CUX1: variants seen among roughly 807,000 people sequenced by gnomAD.
CUX1 encodes cut like homeobox 1.
CUX1 carries 31 observed loss-of-function variants against 158.8 expected under a neutral mutation model. The observed-to-expected ratio is 0.20, with a 90% CI of 0.15 to 0.26. The LOEUF is 0.26. Ranked by LOEUF, CUX1 falls within the 10% of genes least tolerant of loss-of-function variation. The pLI is 1.00. For synonymous variants in CUX1, 879 were observed against 862.1 expected (o/e 1.02, Z -0.34); for missense variants, 1,589 against 2,014.6 (o/e 0.79, Z 4.04).
In CUX1 at chr7:102,239,640, G is replaced by C. The variant is rs1009865787; in HGVS notation, c.3887+56G>C. 33 of 1,556,238 alleles carry C rather than the reference G, an allele frequency of 2.1e-5. No individual in the cohort carries two copies. In the African/African-American group the frequency reaches 4.4e-4, roughly 21 times the overall value. On this transcript the variant is annotated intron_variant, in intron 23 of 23. Transcript: ENST00000292535. ...TCGGCCCAGGGGAAGGGGCTGATCTGTCCGGAGGCCGCCATGGCGCACAGG... is the reference window on the plus strand; with the variant it reads ...TCGGCCCAGGGGAAGGGGCTGATCTCTCCGGAGGCCGCCATGGCGCACAGG...
chr7:101,995,926 A>T (rs1457645345), intron 2 of CUX1, among the ~76,000 whole-genome samples: 1 of 152,172 alleles, frequency 6.6e-6, no homozygotes, highest in Non-Finnish European at 1.5e-5. Context: ...CAGCCTGGGT[A>T]AAATGTAGAA....
At chr7:101,969,133 G>C (rs184657109) in intron 2 of CUX1, among the ~76,000 whole-genome samples, 5 of 151,468 alleles carry the variant, frequency 3.3e-5, no homozygotes, top group Admixed American at 3.3e-4. Flanking sequence ...TTTGAGACCA[G>C]CCTGGGCAAC....
chr7:101,872,030 A>AAG, intron 1 of CUX1, among the ~76,000 whole-genome samples: 1 of 152,032 alleles, frequency 6.6e-6, no homozygotes, highest in South Asian at 2.1e-4. Context: ...CAAAAAAAAA[A>AAG]AAAGAAAAGA....
intron 2 of CUX1, among the ~76,000 whole-genome samples, chr7:101,952,157 G>A (rs951747968): frequency 6.6e-6 from 1 of 152,120 alleles, no homozygotes; most frequent in South Asian, 2.1e-4. Flanking sequence ...AGAGGCCAAG[G>A]TGGAAGGATT....
At chr7:102,014,439 G>A (rs1193656593) in intron 2 of CUX1, among the ~76,000 whole-genome samples, 1 of 152,192 alleles carries the variant, frequency 6.6e-6, no homozygotes, top group Non-Finnish European at 1.5e-5. Flanking sequence ...GCTCTGCAGA[G>A]CCCTCTGGGG....
At chr7:101,988,680 C>T (rs1021284758) in intron 2 of CUX1, among the ~76,000 whole-genome samples, 9 of 152,128 alleles carry the variant, frequency 5.9e-5, no homozygotes, top group Non-Finnish European at 1.0e-4. Context: ...TGTGGCCTCC[C>T]AGGTTCCTTG....
Position 101,860,305 on chromosome 7 carries a change from A to G in CUX1, c.30+42636A>G, listed in dbSNP as rs368452002. 3.0e-4 allele frequency among the ~76,000 whole-genome samples: 45 copies of G among 152,290 alleles called. No individual in the cohort carries two copies. In the East Asian group the frequency reaches 7.7e-3, roughly 26 times the overall value. On this transcript the variant is annotated intron_variant, in intron 1 of 23. Transcript: ENST00000292535. ...TCAGTTCCAAACTATTGGCCTGTCT[A>G]GTTTCATCTCCGCCCCTGCCTACTC...
downstream of CUX1, among the ~76,000 whole-genome samples, chr7:102,261,050 G>A (rs1323846025): frequency 1.3e-5 from 2 of 152,240 alleles, no homozygotes; most frequent in South Asian, 2.1e-4. Flanking sequence ...CCAGGCTCCC[G>A]GCCAGTGGGC....
chr7:101,944,838 G>A (rs111226392), intron 2 of CUX1, among the ~76,000 whole-genome samples: 2 of 152,286 alleles, frequency 1.3e-5, no homozygotes, highest in Non-Finnish European at 2.9e-5. Context: ...TGCATCTGTC[G>A]CCACACTGGT....
chr7:102,222,318 G>A (rs782820143), intron 20 of CUX1, among the ~76,000 whole-genome samples: 19 of 152,090 alleles, frequency 1.2e-4, no homozygotes, highest in Non-Finnish European at 2.1e-4. Context: ...CAGGAATGAC[G>A]GTAGGCTGCA....
chr7:101,930,045 T>C (rs1806113735), intron 2 of CUX1, among the ~76,000 whole-genome samples: 1 of 152,200 alleles, frequency 6.6e-6, no homozygotes, highest in South Asian at 2.1e-4. Context: ...TTTCACCATG[T>C]TGGCTAGGCT....
rs1584928057 is a variant in CUX1 at position 101,901,514 on chromosome 7, C to T, written c.31-14601C>T. Among the ~76,000 whole-genome samples the T allele has an allele frequency of 2.6e-5, 4 of 152,156 alleles. 1 individual carries two copies. The highest frequency in any genetic ancestry group is 9.6e-5 in the African/African-American group (4 of 41,498). On this transcript the variant is annotated intron_variant, in intron 1 of 23. Transcript: ENST00000292535. ...TTTGCCATGTTGGCCAGGCTGGTCT[C>T]GAACTCCTGACCTCAGGTGATCCAC... is the stretch of plus-strand genomic sequence containing the variant.
intron 15 of CUX1, among the ~76,000 whole-genome samples, chr7:102,197,914 A>G (rs1586168838): frequency 6.6e-6 from 1 of 151,960 alleles, no homozygotes; most frequent in Admixed American, 6.6e-5. Context: ...CACCCTTTCT[A>G]CCCCACCCTC....
At chr7:101,950,800 C>G (rs934419062) in intron 2 of CUX1, among the ~76,000 whole-genome samples, 1 of 152,170 alleles carries the variant, frequency 6.6e-6, no homozygotes, top group Admixed American at 6.5e-5. Context: ...AGTCTTCCTG[C>G]CTTGCCTCCC....
intron 1 of CUX1, among the ~76,000 whole-genome samples, chr7:101,899,247 GTCC>G (rs1192445182): frequency 6.6e-6 from 1 of 152,154 alleles, no homozygotes; most frequent in Non-Finnish European, 1.5e-5. Context: ...CTGCCAGTTG[GTCC>G]TCAAGAAATC....
intron 10 of CUX1, among the ~76,000 whole-genome samples, chr7:102,174,307 T>C (rs1251698475): frequency 2.6e-5 from 4 of 152,120 alleles, no homozygotes; most frequent in African/African-American, 7.2e-5. Flanking sequence ...TTGCTAGAGA[T>C]GGAGTTTCAC....
intron 1 of CUX1, among the ~76,000 whole-genome samples, chr7:101,832,473 C>T (rs928448902): frequency 2.2e-4 from 34 of 152,268 alleles, no homozygotes; most frequent in African/African-American, 7.5e-4. Context: ...GGGCGGGCTT[C>T]GTGCAGACGT....
chr7:102,236,572 G>A (rs1799589771), intron 22 of CUX1, among the ~76,000 whole-genome samples: 3 of 152,046 alleles, frequency 2.0e-5, no homozygotes, highest in African/African-American at 7.3e-5. Flanking sequence ...CACTGCGCCC[G>A]GCCTTTTCAA....
At chr7:101,972,169 T>C (rs1812040009) in intron 2 of CUX1, among the ~76,000 whole-genome samples, 1 of 152,154 alleles carries the variant, frequency 6.6e-6, no homozygotes. Flanking sequence ...GGTTTCACCG[T>C]GTTAGCCAGG....
Sources: gnomAD v4.1 joint callset for allele counts (sites outside exome capture counted in the v4.1 genomes callset) on GRCh38, gnomAD v4.1.1 for gene constraint, MANE v1.5 for transcripts, NCBI Gene and HGNC (gene_info 2026-07-23, HGNC 2026-07-21) for gene names.